Variants in MAML3 observed in about 807,000 individuals in gnomAD.
The protein encoded by MAML3 is mastermind like transcriptional coactivator 3, also known as mastermind-like protein 3.
MAML3 carries 27 observed loss-of-function variants against 101.9 expected under a neutral mutation model. The observed-to-expected ratio is 0.27, with a 90% CI of 0.20 to 0.37. The LOEUF (loss-of-function observed/expected upper bound fraction) is 0.37. Ranked by LOEUF, MAML3 falls within the 10% of genes least tolerant of loss-of-function variation. The pLI is 1.00. For missense variants in MAML3, 1,316 were observed against 1,444.9 expected (o/e 0.91, Z 1.45); for synonymous variants, 501 against 555.9 (o/e 0.90, Z 1.39).
intron 1 of MAML3, among the ~76,000 whole-genome samples, chr4:140,000,384 TAA>T (rs1455299153): frequency 6.7e-6 from 1 of 149,172 alleles, no homozygotes; most frequent in African/African-American, 2.5e-5. Context: ...AACCTGGGAA[TAA>T]AAAGAGCTTT....
chr4:139,970,710 C>T (rs1414080392), intron 1 of MAML3, among the ~76,000 whole-genome samples: 1 of 152,206 alleles, frequency 6.6e-6, no homozygotes, highest in South Asian at 2.1e-4. Context: ...GGGGCTCACT[C>T]TCCTGAGGTT....
At chr4:139,978,583 T>A in intron 1 of MAML3, among the ~76,000 whole-genome samples, 1 of 136,384 alleles carries the variant, frequency 7.3e-6, no homozygotes, top group South Asian at 2.4e-4. Context: ...TCCAAATGCC[T>A]CCCATGACTT....
At chr4:139,730,273 AG>A in intron 3 of MAML3, 142 bp downstream of exon 3, 1 of 725,596 alleles carries the variant, frequency 1.4e-6, no homozygotes, top group Non-Finnish European at 2.3e-6. Context: ...TAAATTCTTC[AG>A]GTTCTCTTGT....
intron 1 of MAML3, among the ~76,000 whole-genome samples, chr4:140,004,072 T>C (rs1726394236): frequency 6.6e-6 from 1 of 152,256 alleles, no homozygotes; most frequent in African/African-American, 2.4e-5. Flanking sequence ...ACCAAGCCCT[T>C]AATGCTTTAC....
chr4:139,963,748 A>G (rs1734068755), intron 1 of MAML3, among the ~76,000 whole-genome samples: 1 of 152,112 alleles, frequency 6.6e-6, no homozygotes, highest in Admixed American at 6.6e-5. Context: ...TATTATTTGG[A>G]CTCTATGTTT....
chr4:139,753,116 C>A (rs762550972), intron 2 of MAML3, among the ~76,000 whole-genome samples: 30 of 152,160 alleles, frequency 2.0e-4, no homozygotes, highest in Non-Finnish European at 4.0e-4. Flanking sequence ...GGGTTACACA[C>A]CACTCAATTC....
chr4:140,027,590 G>A (rs533865560), intron 1 of MAML3, among the ~76,000 whole-genome samples: 3 of 152,216 alleles, frequency 2.0e-5, no homozygotes, highest in South Asian at 2.1e-4. Context: ...CACCTCTCTC[G>A]TTCGCGTCTA....
intron 1 of MAML3, among the ~76,000 whole-genome samples, chr4:140,121,988 C>T (rs765042378): frequency 6.6e-6 from 1 of 152,144 alleles, no homozygotes; most frequent in Non-Finnish European, 1.5e-5. Context: ...CTGCACTTCT[C>T]CTTGCTGCCC....
At chr4:140,081,422 C>T (rs1042479634) in intron 1 of MAML3, among the ~76,000 whole-genome samples, 1 of 152,074 alleles carries the variant, frequency 6.6e-6, no homozygotes, top group African/African-American at 2.4e-5. Context: ...CCTTATTTAC[C>T]AATATCGTGC....
At chr4:139,957,991 T>G (rs936371175) in intron 1 of MAML3, among the ~76,000 whole-genome samples, 1 of 152,198 alleles carries the variant, frequency 6.6e-6, no homozygotes, top group African/African-American at 2.4e-5. Context: ...CCATTTAAAC[T>G]GTAAGAGATT....
At chr4:139,974,737 C>T (rs28664225) in intron 1 of MAML3, among the ~76,000 whole-genome samples, 4,643 of 151,980 alleles carry the variant, frequency 0.031, 234 homozygotes, top group African/African-American at 0.1. Context: ...ATGGTCAAGT[C>T]CATATATTAT....
At chr4:139,974,157 G>A (rs1734278767) in intron 1 of MAML3, among the ~76,000 whole-genome samples, 1 of 147,778 alleles carries the variant, frequency 6.8e-6, no homozygotes, top group South Asian at 2.1e-4. Flanking sequence ...CCAGGCTGGA[G>A]TGCAGTGGCG....
chr4:140,067,043 A>T (rs1222461092), intron 1 of MAML3, among the ~76,000 whole-genome samples: 1 of 152,214 alleles, frequency 6.6e-6, no homozygotes, highest in African/African-American at 2.4e-5. Flanking sequence ...TCATCTATGA[A>T]TCCCTGAATA....
At chr4:139,742,022 A>C (rs1451993040) in intron 2 of MAML3, among the ~76,000 whole-genome samples, 1 of 152,254 alleles carries the variant, frequency 6.6e-6, no homozygotes, top group Non-Finnish European at 1.5e-5. Context: ...GAAAGAATAT[A>C]GCACTCAAAG....
At chr4:140,034,764 AG>A (rs1726958049) in intron 1 of MAML3, among the ~76,000 whole-genome samples, 1 of 152,238 alleles carries the variant, frequency 6.6e-6, no homozygotes, top group Non-Finnish European at 1.5e-5. Context: ...AGTAACAAAG[AG>A]GGCATTGCTA....
intron 1 of MAML3, among the ~76,000 whole-genome samples, chr4:139,912,719 T>A (rs887815782): frequency 9.2e-5 from 14 of 152,338 alleles, no homozygotes; most frequent in African/African-American, 3.1e-4. Flanking sequence ...AGACTGGAGT[T>A]ACGCAGCTGC....
intron 2 of MAML3, among the ~76,000 whole-genome samples, chr4:139,870,044 A>G (rs765002855): frequency 6.6e-6 from 1 of 152,202 alleles, no homozygotes; most frequent in Non-Finnish European, 1.5e-5. Context: ...GAATTTCAAG[A>G]TCGTTTGAAG....
At chr4:140,107,581 T>G (rs1280430149) in intron 1 of MAML3, among the ~76,000 whole-genome samples, 1 of 151,214 alleles carries the variant, frequency 6.6e-6, no homozygotes, top group Non-Finnish European at 1.5e-5. Context: ...CTCGGCTCAC[T>G]GCAACCTCCG....
At position 140,139,513 on chromosome 4, in the gene MAML3, A is replaced by T. The variant is rs1362202964; in HGVS notation, c.468+13347T>A. On this transcript the variant is annotated intron_variant, in intron 1 of 4. Coordinates refer to ENST00000509479, the MANE Select transcript of MAML3 (RefSeq NM_018717.5). ...CGAGACCAGCCTGGGAAACAAAGCA[A>T]GACCCTATCTCTTAACAACAACAAC... Among the ~76,000 whole-genome samples, 5 of 152,218 alleles carry T rather than the reference A, an allele frequency of 3.3e-5. 1 individual carries two copies. Among genetic ancestry groups the T allele is most frequent in the Non-Finnish European group, 1.5e-5 (1 of 68,040 alleles).
Sources: allele counts gnomAD v4.1 joint callset (sites outside exome capture counted in the v4.1 genomes callset), GRCh38; gene constraint gnomAD v4.1.1; transcripts MANE v1.5; gene names NCBI Gene and HGNC (gene_info 2026-07-23, HGNC 2026-07-21).